The following KATNIP variants were observed in gnomAD, a reference collection of about 807,000 sequenced individuals.
KATNIP encodes katanin interacting protein, also known as katanin-interacting protein.
Under a neutral mutation model 174.0 loss-of-function variants are expected in KATNIP, and 126 were observed. That is an observed-to-expected ratio of 0.72 (90% CI 0.63 to 0.84). The LOEUF is 0.84. Ranked by LOEUF, KATNIP falls within the 40% of genes least tolerant of loss-of-function variation. KATNIP has a pLI of 0.00. For synonymous variants in KATNIP, 810 were observed against 835.7 expected (o/e 0.97, Z 0.53); for missense variants, 1,958 against 2,109.7 (o/e 0.93, Z 1.41).
chr16:27,771,588 G>A lies in KATNIP; in HGVS notation c.4134G>A (p.Arg1378=). Residue 1378 remains arginine (R), a splice_region_variant and synonymous_variant, in exon 22 of 28, where the codon AGG becomes AGA. Transcript: ENST00000261588. ...ATGGTGCTGTTTTGTGCTTTTTCAG[G>A]CTGGACATGAGAAGCCTGGAGTGTG... The part of the protein sequence containing the change: ...RAQLLPQPAR[R]LDMRSLECAS... The A allele has an allele frequency of 6.2e-7, 1 of 1,612,402 alleles. No individual in the cohort carries two copies. Among genetic ancestry groups the A allele is most frequent in the Non-Finnish European group, 8.5e-7 (1 of 1,179,052 alleles).
At chr16:27,550,368 C>T (rs1185401084) in intron 1 of KATNIP, among the ~76,000 whole-genome samples, 191 bp downstream of exon 1, 2 of 152,116 alleles carry the variant, frequency 1.3e-5, no homozygotes, top group Non-Finnish European at 2.9e-5. Context: ...GTGGTCAGTG[C>T]TGTGACCATT....
chr16:27,741,386 C>T (rs968978191), intron 15 of KATNIP, among the ~76,000 whole-genome samples: 9 of 151,330 alleles, frequency 5.9e-5, no homozygotes, highest in Non-Finnish European at 1.0e-4. Flanking sequence ...TACGGTGAGC[C>T]ATGATTGCGC....
In KATNIP at chr16:27,677,728, G is replaced by T; in HGVS notation, c.541-1G>T. 2.5e-6 allele frequency: 4 copies of T among 1,598,304 alleles called. No individual in the cohort carries two copies. The highest frequency in any genetic ancestry group is 3.4e-6 in the Non-Finnish European group (4 of 1,167,700). On this transcript the variant is annotated splice_acceptor_variant, in intron 6 of 27. Transcript: ENST00000261588. LOFTEE classifies it high-confidence loss of function. ...TCATCTCTCTTCTGGGCTTTTTGCA[G>T]GAGCTGAGAAGAAGCCTGGAACTTA...
At chr16:27,760,913 C>G (rs1426153414) in intron 18 of KATNIP, among the ~76,000 whole-genome samples, 3 of 152,148 alleles carry the variant, frequency 2.0e-5, no homozygotes, top group African/African-American at 7.2e-5. Flanking sequence ...GAAGGGTGCT[C>G]ACAAGTCAAC....
chr16:27,766,500 T>C (rs2082130178), intron 20 of KATNIP, 26 bp downstream of exon 20: 1 of 1,602,650 alleles, frequency 6.2e-7, no homozygotes, highest in African/African-American at 1.3e-5. Context: ...GTGGCCGTGC[T>C]CAGTCCAGCA....
intron 2 of KATNIP, among the ~76,000 whole-genome samples, chr16:27,602,845 C>T (rs1484803670): frequency 6.6e-6 from 1 of 152,086 alleles, no homozygotes; most frequent in Non-Finnish European, 1.5e-5. Context: ...ATTACAGGCG[C>T]CCACCACCAC....
At chr16:27,678,313 T>A (rs1010169763) in intron 7 of KATNIP, among the ~76,000 whole-genome samples, 8 of 152,218 alleles carry the variant, frequency 5.3e-5, no homozygotes, top group African/African-American at 1.9e-4. Context: ...ATTTATTGAC[T>A]TGAGTAACTG....
chr16:27,742,951 G>A (rs1029625703), intron 15 of KATNIP, among the ~76,000 whole-genome samples: 9 of 151,974 alleles, frequency 5.9e-5, no homozygotes, highest in African/African-American at 1.5e-4. Flanking sequence ...CTATCAACCC[G>A]TCACCTAGGT....
At chr16:27,654,549 A>C in intron 6 of KATNIP, 2 of 1,339,944 alleles carry the variant, frequency 1.5e-6, no homozygotes, top group Admixed American at 3.8e-5. Flanking sequence ...AGGCCCCAGC[A>C]TGTCTTCAGG....
chr16:27,632,628 A>G lies in KATNIP; in HGVS notation c.408+1466A>G, dbSNP rs142154111. ...GGTCAGTGGTCCCTTACCAGGAAGAAATGCTGGTCAGTTGTGTAGTAACCA... is the reference window on the plus strand; with the variant it reads ...GGTCAGTGGTCCCTTACCAGGAAGAGATGCTGGTCAGTTGTGTAGTAACCA... On this transcript the variant is annotated intron_variant, in intron 5 of 27. Coordinates refer to ENST00000261588, the MANE Select transcript of KATNIP (RefSeq NM_015202.5). 20 of 456,610 alleles carry G rather than the reference A, an allele frequency of 4.4e-5. No individual in the cohort carries two copies. In the East Asian group the frequency reaches 1.2e-3, roughly 27 times the overall value. The allele number at this position is 456,610 out of a possible 1,614,324, so 28.3% of individuals were successfully genotyped here.
chr16:27,639,945 C>T (rs1388105790), intron 5 of KATNIP, among the ~76,000 whole-genome samples: 1 of 152,224 alleles, frequency 6.6e-6, no homozygotes, highest in African/African-American at 2.4e-5. Flanking sequence ...TTAGAGCTCT[C>T]GTACCTCTAG....
chr16:27,570,484 T>A (rs1270581019), intron 1 of KATNIP, among the ~76,000 whole-genome samples: 1 of 152,160 alleles, frequency 6.6e-6, no homozygotes, highest in Non-Finnish European at 1.5e-5. Context: ...GGAGAATTGC[T>A]TGAACCTGGG....
intron 15 of KATNIP, among the ~76,000 whole-genome samples, chr16:27,741,493 C>T (rs528619348): frequency 7.9e-5 from 12 of 152,204 alleles, no homozygotes; most frequent in African/African-American, 2.6e-4. Flanking sequence ...GCAATTGACA[C>T]TTGCCTGAGT....
intron 2 of KATNIP, among the ~76,000 whole-genome samples, chr16:27,607,684 G>A (rs1446223319): frequency 6.9e-6 from 1 of 144,988 alleles, no homozygotes; most frequent in Non-Finnish European, 1.5e-5. Context: ...CACAACCTCC[G>A]TCTCCCAGGT....
At chr16:27,768,481 C>T (rs2082192274) in intron 20 of KATNIP, among the ~76,000 whole-genome samples, 1 of 152,076 alleles carries the variant, frequency 6.6e-6, no homozygotes, top group African/African-American at 2.4e-5. Context: ...TACTTTTGGG[C>T]GACTCTGTCC....
intron 1 of KATNIP, among the ~76,000 whole-genome samples, chr16:27,568,496 C>G (rs1446388522): frequency 6.6e-6 from 1 of 151,654 alleles, no homozygotes; most frequent in Non-Finnish European, 1.5e-5. Flanking sequence ...GAGACCAAGT[C>G]TCGCTCTGTC....
At chr16:27,661,566 AT>A (rs2077474434) in intron 6 of KATNIP, among the ~76,000 whole-genome samples, 1 of 151,230 alleles carries the variant, frequency 6.6e-6, no homozygotes, top group South Asian at 2.1e-4. Flanking sequence ...TAATTTTTGT[AT>A]TTTTAGTAGA....
intron 8 of KATNIP, among the ~76,000 whole-genome samples, chr16:27,686,403 C>T (rs757368237): frequency 1.3e-4 from 20 of 152,250 alleles, no homozygotes; most frequent in South Asian, 2.1e-4. Context: ...AAAGCTACTC[C>T]GGCTTTCTTT....
intron 6 of KATNIP, among the ~76,000 whole-genome samples, chr16:27,666,796 G>A (rs2077703500): frequency 6.6e-6 from 1 of 152,198 alleles, no homozygotes; most frequent in Admixed American, 6.5e-5. Flanking sequence ...GGATGCCGAG[G>A]TAGGAGGATC....
Sources: allele counts gnomAD v4.1 joint callset (sites outside exome capture counted in the v4.1 genomes callset), GRCh38; gene constraint gnomAD v4.1.1; transcripts MANE v1.5; gene names NCBI Gene and HGNC (gene_info 2026-07-23, HGNC 2026-07-21).